Variants in CLOCK observed in about 807,000 individuals in gnomAD.
CLOCK encodes clock circadian regulator.
Under a neutral mutation model 118.4 loss-of-function variants are expected in CLOCK, and 43 were observed. The ratio of observed to expected loss-of-function variants is 0.36; its 90% CI spans 0.28 to 0.47. The LOEUF (loss-of-function observed/expected upper bound fraction) is 0.47, where lower values mean the gene tolerates loss of function less well. Among genes scored for constraint, CLOCK ranks in the 20% least tolerant of loss-of-function variants. CLOCK has a pLI of 1.00. For missense variants in CLOCK, 846 were observed against 999.9 expected (o/e 0.85, Z 2.08); for synonymous variants, 326 against 339.2 (o/e 0.96, Z 0.43).
chr4:55,485,827 C>T (rs1253238646), intron 3 of CLOCK, among the ~76,000 whole-genome samples: 1 of 152,078 alleles, frequency 6.6e-6, no homozygotes, highest in African/African-American at 2.4e-5. Flanking sequence ...TTACATATTG[C>T]ATGCCTTTAT....
intron 1 of CLOCK, among the ~76,000 whole-genome samples, chr4:55,533,775 C>T (rs756708249): frequency 2.6e-5 from 4 of 152,020 alleles, no homozygotes; most frequent in Non-Finnish European, 4.4e-5. Flanking sequence ...TGGTGGCACA[C>T]GCCTGTAATC....
rs142719327 is a variant in CLOCK at position 55,444,572 on chromosome 4, T to G, written c.1692+61A>C. On this transcript the variant is annotated intron_variant, in intron 19 of 22. Transcript: ENST00000513440. ...CTCACTTTTAATTAAGAAAAGTTAA[T>G]TTTCCTAGAAATCCAAAATGTGAAT... 2.6e-4 allele frequency: 413 copies of G among 1,607,806 alleles called. 3 individuals carry two copies. The African/African-American group carries it at 4.9e-3, about 19-fold the overall frequency.
chr4:55,474,520 AAACAGCCTTC>A (rs1192107210), intron 7 of CLOCK, among the ~76,000 whole-genome samples: 1 of 152,218 alleles, frequency 6.6e-6, no homozygotes, highest in Non-Finnish European at 1.5e-5. Context: ...AGTGCAGATG[AAACAGCCTTC>A]TATTGGGAGA....
chr4:55,476,605 C>T (rs1206982311), intron 6 of CLOCK, among the ~76,000 whole-genome samples: 3 of 152,084 alleles, frequency 2.0e-5, no homozygotes, highest in South Asian at 4.1e-4. Flanking sequence ...AAAAACTTTA[C>T]TACAGTAATA....
At chr4:55,451,616 T>C (rs1724464749) in intron 15 of CLOCK, among the ~76,000 whole-genome samples, 1 of 152,292 alleles carries the variant, frequency 6.6e-6, no homozygotes, top group South Asian at 2.1e-4. Flanking sequence ...CTGGTGTGTA[T>C]TTTGGAAACA....
chr4:55,545,420 CA>C (rs1167535508), intron 1 of CLOCK: 1 of 152,246 alleles, frequency 6.6e-6, no homozygotes, highest in Non-Finnish European at 1.5e-5. Context: ...CTTAAAGCTA[CA>C]AATCAGAACG....
In CLOCK at chr4:55,434,114, C is replaced by T. The variant is rs1722706134; in HGVS notation, c.*1301G>A. On this transcript the variant is annotated 3_prime_UTR_variant, in exon 23 of 23. Coordinates refer to ENST00000513440, the MANE Select transcript of CLOCK (RefSeq NM_004898.4). ...AGACTAATAATGACACTGACACCCA[C>T]ATGCTGTTAAAAAGGTACTAAGGTT... is the stretch of plus-strand genomic sequence containing the variant. 1 of 152,632 alleles carries T rather than the reference C, an allele frequency of 6.6e-6. No individual in the cohort carries two copies. Among genetic ancestry groups the T allele is most frequent in the Admixed American group, 6.6e-5 (1 of 15,262 alleles). 9.5% of individuals were successfully genotyped at this position (152,632 alleles called of 1,614,324 possible). A position where few individuals can be genotyped will look rare whatever the true frequency, so the allele number is the denominator to read the frequency against.
intron 11 of CLOCK, 81 bp from the exon 12 acceptor site, chr4:55,456,381 G>T: frequency 1.0e-6 from 1 of 1,000,898 alleles, no homozygotes; most frequent in Non-Finnish European, 1.5e-6. Flanking sequence ...AATAAGTCAT[G>T]GCCAGGTGCA....
intron 1 of CLOCK, among the ~76,000 whole-genome samples, chr4:55,543,176 T>G (rs1388008849): frequency 1.3e-5 from 2 of 152,174 alleles, no homozygotes; most frequent in Admixed American, 6.5e-5. Flanking sequence ...CCTCGGCCGC[T>G]CGAAGTTTAC....
chr4:55,502,066 A>G (rs539362397), intron 2 of CLOCK, among the ~76,000 whole-genome samples: 3 of 152,370 alleles, frequency 2.0e-5, no homozygotes, highest in East Asian at 3.9e-4. Flanking sequence ...GAGAGAAATT[A>G]TAAAAGTCTA....
In CLOCK at chr4:55,453,077, G is replaced by A. The variant is rs6855837; in HGVS notation, c.1183C>T (p.Leu395Phe). 6.2e-7 allele frequency: 1 copy of A among 1,611,624 alleles called. No individual in the cohort carries two copies. Among genetic ancestry groups the A allele is most frequent in the Non-Finnish European group, 8.5e-7 (1 of 1,178,516 alleles). ...ACTTTGTCAGCAGCTGTCTCAGGAA[G>A]AGACTCTTCAATGCCAAGTTCTCGT... ...RRRELGIEES[L>F]PETAADKSQD... Residue 395 changes from leucine (L) to phenylalanine (F), a missense_variant, in exon 15 of 23, where the codon CTT becomes TTT. This residue lies in a region of CLOCK where 520 missense variants were observed against 558.0 expected (regional missense o/e 0.93). Coordinates refer to ENST00000513440, the MANE Select transcript of CLOCK (RefSeq NM_004898.4).
chr4:55,479,336 A>G (rs992688347), intron 5 of CLOCK, among the ~76,000 whole-genome samples: 3 of 152,152 alleles, frequency 2.0e-5, no homozygotes, highest in African/African-American at 7.2e-5. Flanking sequence ...ACCAGTAAAC[A>G]AACAGCTATT....
At chr4:55,506,493 AC>A (rs1171602898) in intron 2 of CLOCK, among the ~76,000 whole-genome samples, 1 of 152,152 alleles carries the variant, frequency 6.6e-6, no homozygotes, top group Admixed American at 6.6e-5. Flanking sequence ...AGTTCAGAAG[AC>A]TTAAATAAAA....
At chr4:55,498,137 TATA>T (rs1560459265) in intron 2 of CLOCK, among the ~76,000 whole-genome samples, 1 of 152,198 alleles carries the variant, frequency 6.6e-6, no homozygotes, top group African/African-American at 2.4e-5. Flanking sequence ...TATGTATAAA[TATA>T]ATGACAATGT....
chr4:55,527,668 G>C (rs1396902476), intron 1 of CLOCK, among the ~76,000 whole-genome samples: 1 of 152,112 alleles, frequency 6.6e-6, no homozygotes, highest in Non-Finnish European at 1.5e-5. Context: ...TTTTGAAAAA[G>C]CTGAATATGA....
At position 55,432,396 on chromosome 4, in the gene CLOCK, A is replaced by C. The variant is rs1722575220; in HGVS notation, c.*3019T>G. On this transcript the variant is annotated 3_prime_UTR_variant, in exon 23 of 23. Transcript: ENST00000513440. The stretch of plus-strand genomic sequence containing the variant: ...GCAGAGTAGCTAGCATTTTTCCTGA[A>C]ACTCAGTAGTTTCTTACCTAAAAAG... The C allele has an allele frequency of 6.6e-6, 1 of 151,932 alleles. No individual in the cohort carries two copies. The highest frequency in any genetic ancestry group is 1.5e-5 in the Non-Finnish European group (1 of 67,970). 9.4% of individuals were successfully genotyped at this position (151,932 alleles called of 1,614,324 possible). A position where few individuals can be genotyped will look rare whatever the true frequency, so the allele number is the denominator to read the frequency against.
chr4:55,478,960 T>C lies in CLOCK; in HGVS notation c.111A>G (p.Val37=). 6.3e-7 allele frequency: 1 copy of C among 1,587,292 alleles called. No individual in the cohort carries two copies. ...EEDDKDKAKR[V]SRNKSEKKRR... ...GTTTCTTTTCAGATTTGTTTCTAGATACTCTGATGAAATGAAAAATATGCA... is the reference window on the plus strand; with the variant it reads ...GTTTCTTTTCAGATTTGTTTCTAGACACTCTGATGAAATGAAAAATATGCA... The change falls in exon 6 of 23, where the codon GTA becomes GTG. Residue 37 remains valine (V), a synonymous_variant. Transcript: ENST00000513440.
intron 15 of CLOCK, among the ~76,000 whole-genome samples, chr4:55,451,246 A>C (rs919585665): frequency 6.6e-6 from 1 of 152,194 alleles, no homozygotes; most frequent in Admixed American, 6.5e-5. Context: ...CCAATGAATT[A>C]AATGTTAAAG....
intron 9 of CLOCK, among the ~76,000 whole-genome samples, chr4:55,462,266 T>C (rs1184264857): frequency 1.3e-5 from 2 of 152,192 alleles, no homozygotes; most frequent in Non-Finnish European, 2.9e-5. Flanking sequence ...GTCTTCCTAT[T>C]GCTATCTCCA....
Sources: gnomAD v4.1 joint callset for allele counts (sites outside exome capture counted in the v4.1 genomes callset) on GRCh38, gnomAD v4.1.1 for gene constraint, gnomAD v4.1.1 regional missense constraint, MANE v1.5 for transcripts, NCBI Gene and HGNC (gene_info 2026-07-23, HGNC 2026-07-21) for gene names.